Variants in CACNA2D3 observed in about 807,000 individuals in gnomAD.
The protein encoded by CACNA2D3 is calcium voltage-gated channel auxiliary subunit alpha2delta 3.
Under a neutral mutation model 160.6 loss-of-function variants are expected in CACNA2D3, and 60 were observed. That is an observed-to-expected ratio of 0.37 (90% confidence interval 0.30 to 0.46). CACNA2D3 has a LOEUF of 0.46. Ranked by LOEUF, CACNA2D3 falls within the 20% of genes least tolerant of loss-of-function variation. The pLI, the probability that CACNA2D3 is intolerant of heterozygous loss-of-function variation, is 1.00. For missense variants in CACNA2D3, 1,205 were observed against 1,365.0 expected, an observed-to-expected ratio of 0.88 and a Z score of 1.85; for synonymous variants, 558 against 492.9, an observed-to-expected ratio of 1.13 and a Z score of -1.75.
At chr3:54,818,957 G>A (rs1035759872) in intron 14 of CACNA2D3, among the ~76,000 whole-genome samples, 1 of 152,126 alleles carries the variant, frequency 6.6e-6, no homozygotes, top group Non-Finnish European at 1.5e-5. Context: ...GAGGGTAAGA[G>A]GAGTTGAGGG....
intron 3 of CACNA2D3, among the ~76,000 whole-genome samples, chr3:54,353,916 G>A (rs1219239858): frequency 6.6e-6 from 1 of 152,196 alleles, no homozygotes; most frequent in South Asian, 2.1e-4. Flanking sequence ...CCGTTTAGAA[G>A]TTCTTCCTGG....
At chr3:54,790,572 T>C (rs1702733189) in intron 13 of CACNA2D3, among the ~76,000 whole-genome samples, 1 of 152,210 alleles carries the variant, frequency 6.6e-6, no homozygotes, top group African/African-American at 2.4e-5. Flanking sequence ...ACTCTACAGG[T>C]GCACCTTCTA....
chr3:54,451,625 G>T (rs746136554), intron 4 of CACNA2D3, among the ~76,000 whole-genome samples: 14 of 152,254 alleles, frequency 9.2e-5, no homozygotes, highest in Non-Finnish European at 2.1e-4. Flanking sequence ...TCTCCAGAGT[G>T]TGCTATCGCA....
intron 16 of CACNA2D3, among the ~76,000 whole-genome samples, chr3:54,840,403 C>CTTTTTTTTTTTTT (rs1174129020): frequency 1.4e-5 from 1 of 73,448 alleles, no homozygotes; most frequent in African/African-American, 5.6e-5. Flanking sequence ...AGAACCATGT[C>CTTTTTTTTTTTTT]TTTTTTTTTT....
At chr3:54,228,698 A>G (rs1368768429) in intron 2 of CACNA2D3, among the ~76,000 whole-genome samples, 1 of 152,192 alleles carries the variant, frequency 6.6e-6, no homozygotes, top group Non-Finnish European at 1.5e-5. Flanking sequence ...GCCTCTCCTG[A>G]TCTCCACCAA....
rs1701410559 is a variant in CACNA2D3, at chr3:54,939,543, G to A, written c.2450-28907G>A. Reference sequence around the variant, plus strand: ...GGGAAAAGAGGGCAGCCTGCTGTCTGTCTGCTGTGGCCAGGGATTGGGCAA... The same window carrying A: ...GGGAAAAGAGGGCAGCCTGCTGTCTATCTGCTGTGGCCAGGGATTGGGCAA... On this transcript the variant is annotated intron_variant, in intron 27 of 37. Transcript: ENST00000474759. Among the ~76,000 whole-genome samples, 3 of 152,360 alleles carry A rather than the reference G, an allele frequency of 2.0e-5. No homozygotes were observed. The South Asian group carries it at 6.2e-4, about 32-fold the overall frequency.
intron 2 of CACNA2D3, among the ~76,000 whole-genome samples, chr3:54,144,735 G>A (rs13059372): frequency 0.078 from 11,824 of 152,266 alleles, 516 homozygotes; most frequent in South Asian, 0.17. Context: ...GTTTGCTAAG[G>A]GAAAAATAAT....
intron 11 of CACNA2D3, among the ~76,000 whole-genome samples, chr3:54,693,571 TAGCTGTAACAC>T (rs1272969718): frequency 6.6e-6 from 1 of 152,224 alleles, no homozygotes; most frequent in African/African-American, 2.4e-5. Context: ...AAAGAAAATT[TAGCTGTAACAC>T]AGCCTCAGGC....
intron 9 of CACNA2D3, among the ~76,000 whole-genome samples, chr3:54,585,394 A>T (rs1702743207): frequency 6.6e-6 from 1 of 152,216 alleles, no homozygotes; most frequent in Admixed American, 6.5e-5. Flanking sequence ...TTAAAAAGTA[A>T]CTCATAGGAA....
chr3:54,270,662 C>G (rs1702603637), intron 2 of CACNA2D3, among the ~76,000 whole-genome samples: 1 of 152,242 alleles, frequency 6.6e-6, no homozygotes, highest in Non-Finnish European at 1.5e-5. Flanking sequence ...AGGCTGAAAT[C>G]AAGGTGTCAC....
In CACNA2D3 at chr3:54,562,815, A is replaced by G. The variant is rs761016013; in HGVS notation, c.560A>G (p.Asn187Ser). ...NMYNKDPAIV[N>S]GVYWSESLNK... Reference sequence around the variant, plus strand: ...TTTTTTACAGACCCTGCAATTGTCAATGGGGTTTATTGGTCTGAATCTCTA... The same window carrying G: ...TTTTTTACAGACCCTGCAATTGTCAGTGGGGTTTATTGGTCTGAATCTCTA... Residue 187 changes from asparagine (N) to serine (S), a missense_variant, in exon 6 of 38, where the codon AAT becomes AGT. Transcript: ENST00000474759. 14 of 1,612,422 alleles carry G rather than the reference A, an allele frequency of 8.7e-6. No homozygotes were observed. The highest frequency in any genetic ancestry group is 2.2e-5 in the East Asian group (1 of 44,848).
At chr3:54,199,387 A>G (rs948875567) in intron 2 of CACNA2D3, among the ~76,000 whole-genome samples, 15 of 152,052 alleles carry the variant, frequency 9.9e-5, no homozygotes, top group Admixed American at 1.3e-4. Context: ...TATTTTTGAG[A>G]CAGGGTCTTA....
At chr3:54,793,786 G>A (rs1296882819) in intron 13 of CACNA2D3, among the ~76,000 whole-genome samples, 2 of 152,160 alleles carry the variant, frequency 1.3e-5, no homozygotes, top group African/African-American at 4.8e-5. Flanking sequence ...TCTAAAACAT[G>A]TTTTTGTTAG....
At chr3:54,404,814 A>G (rs982486313) in intron 4 of CACNA2D3, among the ~76,000 whole-genome samples, 5 of 152,120 alleles carry the variant, frequency 3.3e-5, no homozygotes, top group African/African-American at 4.8e-5. Flanking sequence ...TTGTATTTCT[A>G]TATACAAATA....
At chr3:54,276,917 T>C (rs1270986076) in intron 2 of CACNA2D3, among the ~76,000 whole-genome samples, 2 of 152,234 alleles carry the variant, frequency 1.3e-5, no homozygotes, top group Non-Finnish European at 2.9e-5. Flanking sequence ...GACTGTACAC[T>C]GTGGTTGTTT....
chr3:54,735,594 A>T (rs1701480591), intron 11 of CACNA2D3, among the ~76,000 whole-genome samples: 2 of 152,208 alleles, frequency 1.3e-5, no homozygotes, highest in South Asian at 4.1e-4. Flanking sequence ...GAACATCTTT[A>T]TGCCCATGAG....
At chr3:54,671,206 T>TGG (rs1463572534) in intron 11 of CACNA2D3, among the ~76,000 whole-genome samples, 7 of 151,344 alleles carry the variant, frequency 4.6e-5, no homozygotes, top group Non-Finnish European at 8.8e-5. Context: ...ATCTAGTAGC[T>TGG]GGGGTCTCAT....
chr3:54,880,464 G>T (rs1405531486), intron 20 of CACNA2D3, among the ~76,000 whole-genome samples: 1 of 152,208 alleles, frequency 6.6e-6, no homozygotes, highest in African/African-American at 2.4e-5. Flanking sequence ...CAGGACAAGG[G>T]TGTATAAAGA....
intron 13 of CACNA2D3, among the ~76,000 whole-genome samples, chr3:54,783,602 T>C (rs556420061): frequency 4.0e-5 from 6 of 151,820 alleles, no homozygotes; most frequent in Non-Finnish European, 7.4e-5. Flanking sequence ...TAAGACTCCA[T>C]CTCAAATAAA....
Sources: allele counts gnomAD v4.1 joint callset (sites outside exome capture counted in the v4.1 genomes callset), GRCh38; gene constraint gnomAD v4.1.1; transcripts MANE v1.5; gene names NCBI Gene and HGNC (gene_info 2026-07-23, HGNC 2026-07-21).